The following PLCD1 variants were observed in gnomAD, a reference collection of about 807,000 sequenced individuals.
PLCD1 encodes phospholipase C delta 1, also known as 1-phosphatidylinositol 4,5-bisphosphate phosphodiesterase delta-1.
Under a neutral mutation model 87.4 loss-of-function variants are expected in PLCD1, and 71 were observed. That is an observed-to-expected ratio of 0.81 (90% confidence interval 0.67 to 0.99). PLCD1 has a LOEUF of 0.99. Ranked by LOEUF, PLCD1 falls within the 50% of genes least tolerant of loss-of-function variation. PLCD1 has a pLI of 0.00. For synonymous variants in PLCD1, 348 were observed against 399.2 expected (o/e 0.87, Z 1.53); for missense variants, 867 against 1,001.5 (o/e 0.87, Z 1.81).
intron 1 of PLCD1, among the ~76,000 whole-genome samples, chr3:38,021,461 G>T (rs1181689144): frequency 6.6e-6 from 1 of 152,156 alleles, no homozygotes; most frequent in African/African-American, 2.4e-5. Flanking sequence ...GATGCCCTCA[G>T]TCCTACCAGG....
Position 38,020,347 on chromosome 3 carries a change from G to A in PLCD1, c.40C>T (p.Gln14Ter), listed in dbSNP as rs1293284327. ...GRDFLTLHGLQDDEDLQALLK... is the reference protein window; with the variant it reads ...GRDFLTLHGL ...AGCGCCTGTAGATCCTCATCATCCTGTAGGCCTGGGGATCAAAGCCAGTAA... is the reference window on the plus strand; with the variant it reads ...AGCGCCTGTAGATCCTCATCATCCTATAGGCCTGGGGATCAAAGCCAGTAA... The change falls in exon 2 of 15, where the codon CAG (glutamine) becomes TAG (stop). Residue 14 changes from glutamine (Q) to a stop codon, truncating the protein, a stop_gained. Coordinates refer to ENST00000334661, the MANE Select transcript of PLCD1 (RefSeq NM_006225.4). LOFTEE classifies it high-confidence loss of function. 3.1e-6 allele frequency: 5 copies of A among 1,613,870 alleles called. No individual in the cohort carries two copies. Among genetic ancestry groups the A allele is most frequent in the East Asian group, 4.5e-5 (2 of 44,882 alleles).
chr3:38,007,848 A>AT lies in PLCD1; in HGVS notation c.2195dup (p.His732GlnfsTer7). 1 of 1,614,136 alleles carries AT rather than the reference A, an allele frequency of 6.2e-7. No individual in the cohort carries two copies. The highest frequency in any genetic ancestry group is 8.5e-7 in the Non-Finnish European group (1 of 1,179,946). On this transcript the variant is annotated frameshift_variant, in exon 15 of 15. Coordinates refer to ENST00000334661, the MANE Select transcript of PLCD1 (RefSeq NM_006225.4). LOFTEE classifies it high-confidence loss of function. The stretch of plus-strand genomic sequence containing the variant: ...CCCCGTTCTTAGACATGAGGTGGAC[A>AT]TGGCGGTATCCTGGTGGGTGGACAG...
chr3:38,024,750 T>G (rs1171940640), intron 1 of PLCD1: 3 of 1,346,882 alleles, frequency 2.2e-6, no homozygotes, highest in African/African-American at 1.5e-5. Context: ...AGTAAATGAG[T>G]GGGGGGAGTC....
chr3:38,016,805 G>A (rs1700163510), intron 2 of PLCD1, 86 bp from the exon 3 acceptor site: 1 of 943,854 alleles, frequency 1.1e-6, no homozygotes, highest in Non-Finnish European at 1.7e-6. Flanking sequence ...CCACAGTAGA[G>A]AGGGGCATGG....
rs759106253 is a variant in PLCD1, at chr3:38,010,172, A to G, written c.1096T>C (p.Phe366Leu). Reference protein sequence around the residue: ...HGYTFTSKILFCDVLRAIRDY... With the variant: ...HGYTFTSKILLCDVLRAIRDY... Reference sequence around the variant, plus strand: ...CGGATGGCCCTGAGCACATCGCAGAAGAGGATCTTGGAAGTGAAAGTATAG... The same window carrying G: ...CGGATGGCCCTGAGCACATCGCAGAGGAGGATCTTGGAAGTGAAAGTATAG... The change falls in exon 7 of 15, where the codon TTC (phenylalanine) becomes CTC (leucine). Residue 366 changes from phenylalanine to leucine, a missense_variant. Physicochemically the swap from Phe to Leu is conservative, Grantham distance 22 (BLOSUM62 0). Coordinates refer to ENST00000334661, the MANE Select transcript of PLCD1 (RefSeq NM_006225.4). The G allele has an allele frequency of 7.4e-6, 12 of 1,614,240 alleles. No individual in the cohort carries two copies. The highest frequency in any genetic ancestry group is 5.0e-5 in the Admixed American group (3 of 60,026).
chr3:38,010,990 A>T (rs1700063614), intron 5 of PLCD1, among the ~76,000 whole-genome samples: 1 of 152,144 alleles, frequency 6.6e-6, no homozygotes, highest in Non-Finnish European at 1.5e-5. Flanking sequence ...CCCCTGAAGG[A>T]GGTGCCAAGA....
At position 38,009,331 on chromosome 3, in the gene PLCD1, G is replaced by A. The variant is rs1700028626; in HGVS notation, c.1547C>T (p.Ala516Val). Residue 516 changes from alanine (A) to valine (V), a missense_variant, in exon 10 of 15, where the codon GCC becomes GTC. Coordinates refer to ENST00000334661, the MANE Select transcript of PLCD1 (RefSeq NM_006225.4). ...AGAGAAGGACGCCATCTCGTAGAAG[G>A]CCTGTCCAGGGGTGCCAGGACTGGA... ...GFSSPGTPGQAFYEMASFSEN... is the reference protein window; with the variant it reads ...GFSSPGTPGQVFYEMASFSEN... The A allele has an allele frequency of 6.2e-7, 1 of 1,613,982 alleles. No homozygotes were observed.
rs992148943 is a variant in PLCD1 at position 38,017,408 on chromosome 3, AAG to A, written c.200-691_200-690del. 6.6e-6 allele frequency among the ~76,000 whole-genome samples: 1 copy of A among 152,070 alleles called. No homozygotes were observed. Among genetic ancestry groups the A allele is most frequent in the African/African-American group, 2.4e-5 (1 of 41,404 alleles). On this transcript the variant is annotated intron_variant, in intron 2 of 14. Transcript: ENST00000334661. The surrounding 1 kb of genome is among the most constrained non-coding windows in gnomAD (Gnocchi z 4.7). ...GGAGCCCCTTGGCAGGGGGTACAGG[AAG>A]ACTCTGCCTTCCCCAGTCCCAAGAG...
chr3:38,009,646 C>T lies in PLCD1; in HGVS notation c.1446+7G>A, dbSNP rs150940353. ...GGGCTGCCCCACCCCACAGCTCCCC[C>T]TCAAACCTTGGGCTTGTGCTGCACA... On this transcript the variant is annotated splice_region_variant and intron_variant, in intron 9 of 14. Transcript: ENST00000334661. 1.2e-5 allele frequency: 19 copies of T among 1,614,092 alleles called. No individual in the cohort carries two copies. The highest frequency in any genetic ancestry group is 1.5e-5 in the Non-Finnish European group (18 of 1,180,006).
At chr3:38,024,848 G>T in intron 1 of PLCD1, 1 of 671,456 alleles carries the variant, frequency 1.5e-6, no homozygotes, top group Non-Finnish European at 2.1e-6. Context: ...AGAGGGGTGG[G>T]ACTAACGACC....
rs755564846 is a variant in PLCD1, at chr3:38,007,792, T to G, written c.2252A>C (p.Lys751Thr). The G allele has an allele frequency of 6.2e-7, 1 of 1,614,120 alleles. No homozygotes were observed. The highest frequency in any genetic ancestry group is 8.5e-7 in the Non-Finnish European group (1 of 1,179,976). ...TCCAGCCTAGTCCTGGAGGGAGATC[T>G]TCACAAAGAGGGTGGCTGATGGATG... The part of the protein sequence containing the change: ...DQHPSATLFV[K>T]ISLQD Residue 751 changes from lysine to threonine, a missense_variant, in exon 15 of 15, where the codon AAG becomes ACG. Lys to Thr is a moderately conservative substitution (Grantham distance 78, BLOSUM62 -1). Transcript: ENST00000334661.
At chr3:38,009,542 G>C in intron 9 of PLCD1, 111 bp from the exon 10 acceptor site, 3 of 1,550,598 alleles carry the variant, frequency 1.9e-6, no homozygotes, top group Non-Finnish European at 2.7e-6. Context: ...CAGAGAGAGC[G>C]GGGCAGAGGG....
At chr3:38,028,921 GA>G (rs1467652256) in intron 1 of PLCD1, among the ~76,000 whole-genome samples, 1 of 152,274 alleles carries the variant, frequency 6.6e-6, no homozygotes, top group African/African-American at 2.4e-5. Context: ...GGTCGCAGAT[GA>G]GGGGATCGTG....
chr3:38,008,737 T>C, intron 11 of PLCD1, 101 bp from the exon 12 acceptor site: 4 of 1,069,388 alleles, frequency 3.7e-6, no homozygotes, highest in Non-Finnish European at 5.7e-6. Flanking sequence ...CATGGTGAGT[T>C]AGCAGGGCCC....
chr3:38,009,665 C>A lies in PLCD1; in HGVS notation c.1434G>T (p.Gln478His), dbSNP rs1216536934. The change falls in exon 9 of 15, where the codon CAG (glutamine) becomes CAT (histidine). Residue 478 changes from glutamine (Q) to histidine (H), a missense_variant. Gln to His is a conservative substitution (Grantham distance 24). Coordinates refer to ENST00000334661, the MANE Select transcript of PLCD1 (RefSeq NM_006225.4). ...CTCCCCCTCAAACCTTGGGCTTGTGCTGCACACGGCTCCTCACTGCCTCAT... is the reference window on the plus strand; with the variant it reads ...CTCCCCCTCAAACCTTGGGCTTGTGATGCACACGGCTCCTCACTGCCTCAT... ...MEDEAVRSRV[Q>H]HKPKEDKLRL... 5.0e-6 allele frequency: 8 copies of A among 1,613,966 alleles called. No homozygotes were observed. The highest frequency in any genetic ancestry group is 6.8e-6 in the Non-Finnish European group (8 of 1,180,028).
At chr3:38,022,837 T>A (rs532070666) in intron 1 of PLCD1, among the ~76,000 whole-genome samples, 19 of 152,192 alleles carry the variant, frequency 1.2e-4, no homozygotes, top group African/African-American at 3.9e-4. Context: ...ACCCAGAAAG[T>A]CTGTGGCACC....
chr3:38,029,242 A>C (rs759325570), intron 1 of PLCD1, among the ~76,000 whole-genome samples: 7 of 152,196 alleles, frequency 4.6e-5, no homozygotes, highest in Non-Finnish European at 8.8e-5. Context: ...AGGCGGAGGG[A>C]AGTCTTTAGA....
chr3:38,020,430 A>ATTGGG lies in PLCD1; in HGVS notation c.35-79_35-78insCCCAA, dbSNP rs1700217750. 5.1e-6 allele frequency: 7 copies of ATTGGG among 1,385,472 alleles called. No homozygotes were observed. In the South Asian group the frequency reaches 5.8e-5, roughly 11 times the overall value. 85.8% of individuals were successfully genotyped at this position (1,385,472 alleles called of 1,614,324 possible). The stretch of plus-strand genomic sequence containing the variant: ...CCTAGGCCTCACACTGGCCATGCCC[A>ATTGGG]CCTCGACCCTCTCAGAGCCCACTTT... On this transcript the variant is annotated intron_variant, in intron 1 of 14. Transcript: ENST00000334661.
At chr3:38,020,741 C>G (rs1233825965) in intron 1 of PLCD1, among the ~76,000 whole-genome samples, 1 of 152,170 alleles carries the variant, frequency 6.6e-6, no homozygotes, top group Admixed American at 6.5e-5. Flanking sequence ...GTGAGCCCCT[C>G]CTGGTCACAC....
Sources: gnomAD v4.1 joint callset for allele counts (sites outside exome capture counted in the v4.1 genomes callset) on GRCh38, gnomAD v4.1.1 for gene constraint, Gnocchi (gnomAD v3.1) non-coding constraint, MANE v1.5 for transcripts, NCBI Gene and HGNC (gene_info 2026-07-23, HGNC 2026-07-21) for gene names.